The following PLXDC2 variants were observed in gnomAD, a reference collection of about 807,000 sequenced individuals.
PLXDC2 encodes the protein plexin domain-containing protein 2.
A neutral mutation model predicts 68.9 loss-of-function variants in PLXDC2; 40 were observed. The observed-to-expected ratio is 0.58, with a 90% confidence interval of 0.45 to 0.76. PLXDC2 has a LOEUF of 0.76. Ranked by LOEUF, PLXDC2 falls within the 30% of genes least tolerant of loss-of-function variation. PLXDC2 has a pLI of 0.00. For missense variants in PLXDC2, 644 were observed against 661.9 expected, an observed-to-expected ratio of 0.97 and a Z score of 0.30; for synonymous variants, 243 against 234.2, an observed-to-expected ratio of 1.04 and a Z score of -0.34.
Position 19,938,390 on chromosome 10 carries a change from C to T in PLXDC2, c.113-63385C>T, listed in dbSNP as rs1394361720. 5.3e-5 allele frequency among the ~76,000 whole-genome samples: 8 copies of T among 152,144 alleles called. No individual in the cohort carries two copies. The South Asian group carries it at 1.0e-3, about 20-fold the overall frequency. ...GGTTTCATTGACTCATGGTTCTCCA[C>T]GCTGTACAGGAAGCATGGCAGTATT... On this transcript the variant is annotated intron_variant, in intron 1 of 13. Transcript: ENST00000377252.
chr10:20,065,428 A>G (rs1836188751), intron 3 of PLXDC2, among the ~76,000 whole-genome samples: 1 of 152,174 alleles, frequency 6.6e-6, no homozygotes, highest in African/African-American at 2.4e-5. Context: ...TAGGTAATAT[A>G]GAGCAGCAAG....
At chr10:20,143,512 G>A (rs1589651114) in intron 5 of PLXDC2, 95 bp downstream of exon 5, 1 of 1,509,490 alleles carries the variant, frequency 6.6e-7, no homozygotes, top group East Asian at 2.3e-5. Flanking sequence ...TTTATTTTTT[G>A]GTGTGTAAAC....
At chr10:19,913,725 G>T (rs191555586) in intron 1 of PLXDC2, among the ~76,000 whole-genome samples, 1 of 152,114 alleles carries the variant, frequency 6.6e-6, no homozygotes, top group Non-Finnish European at 1.5e-5. Flanking sequence ...TCAATAGCAG[G>T]TGATAAAAGA....
chr10:19,993,335 T>C (rs1001027917), intron 1 of PLXDC2, among the ~76,000 whole-genome samples: 7 of 152,210 alleles, frequency 4.6e-5, no homozygotes, highest in African/African-American at 1.7e-4. Flanking sequence ...AAAGTTATAA[T>C]GTCTCTTTAC....
At chr10:19,841,022 T>C (rs1836893998) in intron 1 of PLXDC2, among the ~76,000 whole-genome samples, 1 of 152,214 alleles carries the variant, frequency 6.6e-6, no homozygotes, top group Non-Finnish European at 1.5e-5. Context: ...TTTCCTCAGC[T>C]GTCTAGAATA....
At chr10:20,140,480 G>A (rs1833990810) in intron 4 of PLXDC2, among the ~76,000 whole-genome samples, 1 of 150,554 alleles carries the variant, frequency 6.6e-6, no homozygotes, top group African/African-American at 2.4e-5. Flanking sequence ...AACAGCCAAA[G>A]AAAAGAAGTA....
At chr10:19,934,477 C>T (rs982933705) in intron 1 of PLXDC2, among the ~76,000 whole-genome samples, 2 of 152,178 alleles carry the variant, frequency 1.3e-5, no homozygotes, top group African/African-American at 4.8e-5. Flanking sequence ...TAGTTTCAGA[C>T]CCAACGTAAG....
chr10:20,068,368 G>A, intron 4 of PLXDC2, 129 bp downstream of exon 4: 4 of 821,626 alleles, frequency 4.9e-6, no homozygotes, highest in South Asian at 2.0e-5. Flanking sequence ...CAAAGTCATA[G>A]GTATAAATAA....
At chr10:19,864,832 TG>T (rs1564613288) in intron 1 of PLXDC2, among the ~76,000 whole-genome samples, 5 of 152,166 alleles carry the variant, frequency 3.3e-5, no homozygotes. Flanking sequence ...CACGTCGGGC[TG>T]TAGTTGGAAT....
intron 1 of PLXDC2, among the ~76,000 whole-genome samples, chr10:19,878,421 G>A (rs997572426): frequency 6.6e-6 from 1 of 152,044 alleles, no homozygotes; most frequent in Non-Finnish European, 1.5e-5. Flanking sequence ...TATTTTCTTG[G>A]AAAAGAGCAT....
intron 2 of PLXDC2, among the ~76,000 whole-genome samples, chr10:20,005,096 A>G (rs1209958267): frequency 6.6e-6 from 1 of 152,212 alleles, no homozygotes; most frequent in Non-Finnish European, 1.5e-5. Context: ...ATGAGCATTC[A>G]AACCCTGCTG....
rs182163808 is a variant in PLXDC2 at position 19,940,297 on chromosome 10, A to T, written c.113-61478A>T. On this transcript the variant is annotated intron_variant, in intron 1 of 13. Coordinates refer to ENST00000377252, the MANE Select transcript of PLXDC2 (RefSeq NM_032812.9). ...GGAAATATATACTCTAATAAAAAAA[A>T]TTTTTTAAATCTGCTAGGAAGTTTT... is the stretch of plus-strand genomic sequence containing the variant. 7.3e-3 allele frequency among the ~76,000 whole-genome samples: 1,108 copies of T among 152,252 alleles called. 2 individuals carry two copies. The highest frequency in any genetic ancestry group is 0.029 in the South Asian group (142 of 4,830).
At chr10:20,207,322 C>T (rs1250846401) in intron 9 of PLXDC2, among the ~76,000 whole-genome samples, 4 of 152,158 alleles carry the variant, frequency 2.6e-5, no homozygotes, top group Non-Finnish European at 1.5e-5. Flanking sequence ...TGCATTTCTG[C>T]ACTTTTCCCT....
In PLXDC2 at chr10:20,243,499, A is replaced by G. The variant is rs1283731848; in HGVS notation, c.1313-1846A>G. Reference sequence around the variant, plus strand: ...GGAGAAGGATAACTGAACACCAACAATGGTTCTCAAGCAAAGAGTAAACAA... The same window carrying G: ...GGAGAAGGATAACTGAACACCAACAGTGGTTCTCAAGCAAAGAGTAAACAA... On this transcript the variant is annotated intron_variant, in intron 12 of 13. Coordinates refer to ENST00000377252, the MANE Select transcript of PLXDC2 (RefSeq NM_032812.9). Among the ~76,000 whole-genome samples the G allele has an allele frequency of 4.7e-4, 72 of 152,272 alleles. 1 individual carries two copies. Among genetic ancestry groups the G allele is most frequent in the Non-Finnish European group, 2.9e-5 (2 of 68,012 alleles).
intron 2 of PLXDC2, among the ~76,000 whole-genome samples, chr10:20,007,853 G>A (rs1379992152): frequency 6.6e-6 from 1 of 152,188 alleles, no homozygotes; most frequent in African/African-American, 2.4e-5. Flanking sequence ...TTAGGTGCCT[G>A]CCAACAGTAT....
At chr10:20,143,621 A>G (rs183281178) in intron 5 of PLXDC2, among the ~76,000 whole-genome samples, 43 of 152,234 alleles carry the variant, frequency 2.8e-4, no homozygotes, top group African/African-American at 1.0e-3. Context: ...ATTAACATCT[A>G]CTATACACAG....
chr10:20,005,400 T>C (rs983147785), intron 2 of PLXDC2, among the ~76,000 whole-genome samples: 1 of 152,170 alleles, frequency 6.6e-6, no homozygotes, highest in Non-Finnish European at 1.5e-5. Flanking sequence ...CTCAAGTAGC[T>C]CCTTGGCACT....
intron 4 of PLXDC2, among the ~76,000 whole-genome samples, chr10:20,072,375 A>T (rs1003313879): frequency 6.6e-6 from 1 of 151,594 alleles, no homozygotes; most frequent in Admixed American, 6.6e-5. Flanking sequence ...TATCAAAAAA[A>T]ATAAAGAGAG....
chr10:20,270,958 GA>G (rs141776302), intron 13 of PLXDC2, among the ~76,000 whole-genome samples: 17 of 146,010 alleles, frequency 1.2e-4, no homozygotes, highest in South Asian at 4.4e-4. Context: ...AAAAAAACTG[GA>G]AAAAAAAAAG....
Sources: gnomAD v4.1 joint callset for allele counts (sites outside exome capture counted in the v4.1 genomes callset) on GRCh38, gnomAD v4.1.1 for gene constraint, MANE v1.5 for transcripts, NCBI Gene and HGNC (gene_info 2026-07-23, HGNC 2026-07-21) for gene names.